EPS15: variants seen among roughly 807,000 people sequenced by gnomAD.
The protein encoded by EPS15 is epidermal growth factor receptor substrate 15.
In EPS15, 72 loss-of-function variants were observed where a neutral mutation model predicts 113.8. The observed-to-expected ratio is 0.63, with a 90% CI of 0.52 to 0.77. The LOEUF is 0.77. Ranked by LOEUF, EPS15 falls within the 30% of genes least tolerant of loss-of-function variation. The pLI is 0.00. For missense variants in EPS15, 1,048 were observed against 1,045.8 expected (o/e 1.00, Z -0.03); for synonymous variants, 344 against 363.4 (o/e 0.95, Z 0.61).
intron 13 of EPS15, among the ~76,000 whole-genome samples, chr1:51,410,391 C>T (rs75345111): frequency 8.0e-6 from 1 of 125,454 alleles, no homozygotes; most frequent in South Asian, 2.2e-4. Flanking sequence ...GACACTGTCT[C>T]CAAAAAAAAA....
chr1:51,476,778 C>A (rs1162387600), intron 2 of EPS15, among the ~76,000 whole-genome samples: 1 of 152,124 alleles, frequency 6.6e-6, no homozygotes, highest in African/African-American at 2.4e-5. Flanking sequence ...ATATGTTGAA[C>A]CAGCCTTGCA....
rs934062011 is a variant in EPS15 at position 51,369,590 on chromosome 1, C to T, written c.2120-3561G>A. On this transcript the variant is annotated intron_variant, in intron 21 of 24. Coordinates refer to ENST00000371733, the MANE Select transcript of EPS15 (RefSeq NM_001981.3). ...CCTAAATCTCACTATCAGAAATAAC[C>T]CTTATGAATATTTCAGCATACTTCT... is the stretch of plus-strand genomic sequence containing the variant. Among the ~76,000 whole-genome samples the T allele has an allele frequency of 3.0e-4, 45 of 152,040 alleles. 1 individual carries two copies. The highest frequency in any genetic ancestry group is 3.1e-4 in the Non-Finnish European group (21 of 68,008).
rs568747126 is a variant in EPS15, at chr1:51,442,977, C to A, written c.954+1912G>T. Among the ~76,000 whole-genome samples the A allele has an allele frequency of 9.2e-5, 14 of 152,014 alleles. No homozygotes were observed. In the East Asian group the frequency reaches 2.1e-3, roughly 23 times the overall value. ...TGCAAAAAATGCAGTACTAAAAAAA[C>A]CAGATTAAAGAGAAAAGAGGTTATT... On this transcript the variant is annotated intron_variant, in intron 11 of 24. Transcript: ENST00000371733.
intron 4 of EPS15, 68 bp from the exon 5 acceptor site, chr1:51,468,636 T>G (rs1655021807): frequency 1.0e-6 from 1 of 952,658 alleles, no homozygotes; most frequent in African/African-American, 1.7e-5. Context: ...GCACAAATAC[T>G]TACAATCTAA....
In EPS15 at chr1:51,390,160, G is replaced by A. The variant is rs1402672029; in HGVS notation, c.2119+4221C>T. Among the ~76,000 whole-genome samples, 34 of 151,682 alleles carry A rather than the reference G, an allele frequency of 2.2e-4. No individual in the cohort carries two copies. In the South Asian group the frequency reaches 3.3e-3, roughly 15 times the overall value. On this transcript the variant is annotated intron_variant, in intron 21 of 24. Transcript: ENST00000371733. ...GAACAGAGCCCTTAGAAATAACGCC[G>A]CATATCTACAACTATCTGATCTTTG... is the stretch of plus-strand genomic sequence containing the variant.
intron 1 of EPS15, among the ~76,000 whole-genome samples, chr1:51,498,620 T>C (rs1644365602): frequency 6.6e-6 from 1 of 152,226 alleles, no homozygotes; most frequent in South Asian, 2.1e-4. Flanking sequence ...TGACATATGA[T>C]ATTTTCCACT....
chr1:51,479,123 T>C (rs1052119811), intron 2 of EPS15, among the ~76,000 whole-genome samples: 1 of 152,236 alleles, frequency 6.6e-6, no homozygotes, highest in Non-Finnish European at 1.5e-5. Context: ...TCTTTTTACA[T>C]AGTCCCATAT....
chr1:51,443,714 TCTTA>T (rs1253318715), intron 11 of EPS15, among the ~76,000 whole-genome samples: 1 of 151,930 alleles, frequency 6.6e-6, no homozygotes, highest in South Asian at 2.1e-4. Flanking sequence ...AGCAGTTGGA[TCTTA>T]CTTAGCTCAC....
rs1424793378 is a variant in EPS15, at chr1:51,363,915, T to C, written c.2310A>G (p.Ala770=). The change falls in exon 23 of 25, where the codon GCA becomes GCG. Residue 770 remains alanine (A), a synonymous_variant. Coordinates refer to ENST00000371733, the MANE Select transcript of EPS15 (RefSeq NM_001981.3). ...TTGGAGTTCCGATCTTTGGTGGCAG[T>C]GCTGGGGGTTCATCTTCACTTTTGA... ...TSVKSEDEPP[A]LPPKIGTPTR... is the part of the protein sequence containing the mutation. 3.7e-6 allele frequency: 6 copies of C among 1,614,024 alleles called. No individual in the cohort carries two copies. The highest frequency in any genetic ancestry group is 1.6e-4 in the Middle Eastern group (1 of 6,062).
chr1:51,368,594 G>C (rs369687198), intron 21 of EPS15, among the ~76,000 whole-genome samples: 1 of 139,958 alleles, frequency 7.1e-6, no homozygotes, highest in African/African-American at 2.9e-5. Context: ...TTTCTTTTTT[G>C]TTTCTTTTTT....
chr1:51,484,956 CTG>C (rs1644093759), intron 1 of EPS15, among the ~76,000 whole-genome samples: 1 of 151,980 alleles, frequency 6.6e-6, no homozygotes, highest in South Asian at 2.1e-4. Context: ...AAGTCTACAA[CTG>C]TTTATTTATT....
chr1:51,471,267 T>C (rs1655215818), intron 4 of EPS15, among the ~76,000 whole-genome samples: 1 of 152,220 alleles, frequency 6.6e-6, no homozygotes, highest in Non-Finnish European at 1.5e-5. Flanking sequence ...GGTTTATAAA[T>C]CATTTTTTGG....
At chr1:51,510,982 A>G (rs903031575) in intron 1 of EPS15, among the ~76,000 whole-genome samples, 2 of 152,056 alleles carry the variant, frequency 1.3e-5, no homozygotes, top group Admixed American at 6.6e-5. Flanking sequence ...CCTGGCCAAC[A>G]TGGTGAAACC....
At chr1:51,501,747 G>A (rs1408657367) in intron 1 of EPS15, among the ~76,000 whole-genome samples, 1 of 152,068 alleles carries the variant, frequency 6.6e-6, no homozygotes, top group Admixed American at 6.5e-5. Context: ...CCAAAGTGCT[G>A]GGATTACAGG....
intron 1 of EPS15, chr1:51,490,277 T>G (rs1251889718): frequency 4.5e-6 from 2 of 448,192 alleles, no homozygotes; most frequent in African/African-American, 2.0e-5. Context: ...TACAGTACAA[T>G]GTGGAAGGCC....
At position 51,355,604 on chromosome 1, in the gene EPS15, A is replaced by G. The variant is rs1322592534; in HGVS notation, c.*1096T>C. 1.0e-5 allele frequency: 2 copies of G among 192,562 alleles called. No individual in the cohort carries two copies. Among genetic ancestry groups the G allele is most frequent in the Non-Finnish European group, 2.2e-5 (2 of 92,116 alleles). The allele number at this position is 192,562 out of a possible 1,614,324, so 11.9% of individuals were successfully genotyped here. On this transcript the variant is annotated 3_prime_UTR_variant, in exon 25 of 25. Coordinates refer to ENST00000371733, the MANE Select transcript of EPS15 (RefSeq NM_001981.3). ...ATAGGTGAAAAACATGAAGTGAGTA[A>G]ATAAACTAAACCACAAAGATGGACA...
chr1:51,440,728 C>A (rs758953988), intron 11 of EPS15, among the ~76,000 whole-genome samples: 23 of 152,070 alleles, frequency 1.5e-4, no homozygotes, highest in Admixed American at 9.8e-4. Flanking sequence ...CTGTTCAGAA[C>A]CTTGCAGTAA....
chr1:51,364,103 G>A (rs1646452459), intron 22 of EPS15, 75 bp from the exon 23 acceptor site: 4 of 1,146,326 alleles, frequency 3.5e-6, no homozygotes, highest in Non-Finnish European at 4.9e-6. Context: ...TCAGAATAAT[G>A]ATTTCAGTAT....
intron 1 of EPS15, among the ~76,000 whole-genome samples, chr1:51,488,012 G>T: frequency 6.6e-6 from 1 of 152,114 alleles, no homozygotes; most frequent in African/African-American, 2.4e-5. Flanking sequence ...TTATTAAATG[G>T]TAACAATGAT....
Sources: allele counts gnomAD v4.1 joint callset (sites outside exome capture counted in the v4.1 genomes callset), GRCh38; gene constraint gnomAD v4.1.1; transcripts MANE v1.5; gene names NCBI Gene and HGNC (gene_info 2026-07-23, HGNC 2026-07-21).